NAV2: variants seen among roughly 807,000 people sequenced by gnomAD.
NAV2 encodes helicase, APC down-regulated 1.
In NAV2, 54 loss-of-function variants were observed where a neutral mutation model predicts 223.2. That is an observed-to-expected ratio of 0.24 (90% CI 0.19 to 0.30). NAV2 has a LOEUF of 0.30. NAV2 is among the 10% of genes least tolerant of loss of function. The pLI, the probability that NAV2 is intolerant of heterozygous loss-of-function variation, is 1.00. For missense variants in NAV2, 2,806 were observed against 3,147.5 expected (o/e 0.89, Z 2.60); for synonymous variants, 1,279 against 1,239.3 (o/e 1.03, Z -0.67).
intron 1 of NAV2, among the ~76,000 whole-genome samples, chr11:19,410,902 T>C (rs1349981614): frequency 1.3e-5 from 2 of 152,096 alleles, no homozygotes; most frequent in East Asian, 1.9e-4. Context: ...CATGGATGTG[T>C]GCACAGAGAG....
intron 1 of NAV2, among the ~76,000 whole-genome samples, chr11:19,425,583 C>T (rs1055555790): frequency 5.3e-5 from 8 of 152,144 alleles, no homozygotes; most frequent in East Asian, 3.8e-4. Context: ...GTTTATTTTA[C>T]GTGGTCCTGC....
chr11:19,380,836 T>G (rs895404572), intron 1 of NAV2, among the ~76,000 whole-genome samples: 1 of 152,348 alleles, frequency 6.6e-6, no homozygotes, highest in Admixed American at 6.5e-5. Context: ...CTGCTTTGCC[T>G]GGGATTTAGG....
At chr11:19,379,131 T>C (rs1848746574) in intron 1 of NAV2, among the ~76,000 whole-genome samples, 1 of 152,136 alleles carries the variant, frequency 6.6e-6, no homozygotes, top group Non-Finnish European at 1.5e-5. Context: ...AGGACTTTTG[T>C]GGGCCAGTGA....
At chr11:19,912,885 A>G (rs145914532) in intron 6 of NAV2, among the ~76,000 whole-genome samples, 46 of 152,366 alleles carry the variant, frequency 3.0e-4, no homozygotes, top group Admixed American at 7.2e-4. Context: ...GGCAGGATTA[A>G]GGCATGTAAT....
At chr11:19,717,062 G>T (rs1435192699) in intron 1 of NAV2, among the ~76,000 whole-genome samples, 1 of 152,146 alleles carries the variant, frequency 6.6e-6, no homozygotes. Context: ...CTTAGAACTT[G>T]CAGGCCCTGA....
chr11:19,980,945 A>G (rs1056719290), intron 10 of NAV2, among the ~76,000 whole-genome samples: 4 of 152,226 alleles, frequency 2.6e-5, no homozygotes, highest in Non-Finnish European at 4.4e-5. Context: ...AATTTATTTC[A>G]AAGAATATTG....
chr11:19,665,834 T>G (rs1044788608), intron 1 of NAV2, among the ~76,000 whole-genome samples: 1 of 152,218 alleles, frequency 6.6e-6, no homozygotes, highest in African/African-American at 2.4e-5. Context: ...GTAAATATGA[T>G]ACTTATGATT....
intron 1 of NAV2, among the ~76,000 whole-genome samples, chr11:19,655,116 A>C (rs1156934518): frequency 1.3e-5 from 2 of 152,372 alleles, no homozygotes; most frequent in Non-Finnish European, 2.9e-5. Flanking sequence ...GAAGACATTT[A>C]TGCAGCCAAA....
intron 1 of NAV2, among the ~76,000 whole-genome samples, chr11:19,480,226 A>G (rs1314853367): frequency 6.6e-6 from 1 of 152,190 alleles, no homozygotes; most frequent in Non-Finnish European, 1.5e-5. Context: ...ATGTACTCTG[A>G]GAGTCCCAGA....
At chr11:20,074,178 A>G (rs1207566892) in intron 22 of NAV2, among the ~76,000 whole-genome samples, 3 of 152,094 alleles carry the variant, frequency 2.0e-5, no homozygotes, top group African/African-American at 7.2e-5. Context: ...TTCTGCCTTC[A>G]TTTCCTTATG....
chr11:19,452,571 A>T (rs899544586), intron 1 of NAV2, among the ~76,000 whole-genome samples: 1 of 152,192 alleles, frequency 6.6e-6, no homozygotes, highest in African/African-American at 2.4e-5. Flanking sequence ...TGTGAGTTGA[A>T]AACATCCTAA....
At chr11:19,567,194 G>A (rs1270396233) in intron 1 of NAV2, among the ~76,000 whole-genome samples, 1 of 152,170 alleles carries the variant, frequency 6.6e-6, no homozygotes, top group Non-Finnish European at 1.5e-5. Context: ...GGATGACCGG[G>A]TGCAACTGGT....
chr11:19,726,895 A>C (rs902350783), intron 1 of NAV2, among the ~76,000 whole-genome samples: 3 of 152,208 alleles, frequency 2.0e-5, no homozygotes, highest in Non-Finnish European at 4.4e-5. Flanking sequence ...ATCTAAGAGA[A>C]ACCCCATCCC....
At chr11:19,727,093 C>T (rs767898483) in intron 1 of NAV2, among the ~76,000 whole-genome samples, 13 of 152,190 alleles carry the variant, frequency 8.5e-5, no homozygotes, top group Admixed American at 7.2e-4. Context: ...CACCTGTACA[C>T]TGGGCTTTGT....
intron 3 of NAV2, among the ~76,000 whole-genome samples, chr11:19,850,661 C>G (rs138748337): frequency 6.6e-6 from 1 of 152,108 alleles, no homozygotes; most frequent in Non-Finnish European, 1.5e-5. Flanking sequence ...CCAGAGGACC[C>G]AAATAGAACA....
intron 1 of NAV2, among the ~76,000 whole-genome samples, chr11:19,826,995 C>T (rs767717378): frequency 2.0e-5 from 3 of 152,152 alleles, no homozygotes; most frequent in Non-Finnish European, 4.4e-5. Flanking sequence ...ACGTTCTCTA[C>T]ATCTGCTATA....
intron 1 of NAV2, among the ~76,000 whole-genome samples, chr11:19,462,053 C>T (rs1055747595): frequency 6.6e-6 from 1 of 152,192 alleles, no homozygotes; most frequent in Non-Finnish European, 1.5e-5. Flanking sequence ...ACGTCATCCA[C>T]CCGCCATGAC....
At chr11:19,923,596 C>A (rs1188406394) in intron 6 of NAV2, among the ~76,000 whole-genome samples, 1 of 152,176 alleles carries the variant, frequency 6.6e-6, no homozygotes, top group Non-Finnish European at 1.5e-5. Flanking sequence ...GAGGAAGGGG[C>A]CTACAGAATT....
chr11:19,736,931 A>G (rs974860784), intron 1 of NAV2, among the ~76,000 whole-genome samples: 2 of 152,220 alleles, frequency 1.3e-5, no homozygotes, highest in African/African-American at 2.4e-5. Context: ...GGAAAAAAAA[A>G]CTTATTGCCA....
Sources: allele counts gnomAD v4.1 joint callset (sites outside exome capture counted in the v4.1 genomes callset), GRCh38; gene constraint gnomAD v4.1.1; transcripts MANE v1.5; gene names NCBI Gene and HGNC (gene_info 2026-07-23, HGNC 2026-07-21).